The following MARF1 variants were observed in gnomAD, a reference collection of about 807,000 sequenced individuals.
MARF1 encodes meiosis regulator and mRNA stability factor 1, also known as limkain-b1.
In MARF1, 24 loss-of-function variants were observed where a neutral mutation model predicts 168.2. The observed-to-expected ratio is 0.14, with a 90% confidence interval of 0.10 to 0.20. MARF1 has a LOEUF of 0.20. MARF1 is among the 10% of genes least tolerant of loss of function. The probability of loss-of-function intolerance (pLI) is 1.00; values close to 1 mark genes in which losing one functional copy is unlikely to be tolerated. For synonymous variants in MARF1, 868 were observed against 822.4 expected (o/e 1.06, Z -0.95); for missense variants, 1,744 against 2,143.6 (o/e 0.81, Z 3.68).
In MARF1 at chr16:15,608,493, A is replaced by T; in HGVS notation, c.3980T>A (p.Ile1327Asn). ...LQVLECGEEK[I>N]LTLTEVERFK... Reference sequence around the variant, plus strand: ...CCGCTCCACCTCTGTCAGAGTAAGGATCTTTTCTTCTCCACATTCCAATAC... The same window carrying T: ...CCGCTCCACCTCTGTCAGAGTAAGGTTCTTTTCTTCTCCACATTCCAATAC... The change falls in exon 21 of 27, where the codon ATC becomes AAC. Residue 1327 changes from isoleucine (I) to asparagine (N), a missense_variant. Around this residue, in one of 7 missense-constraint regions of MARF1, gnomAD observed 543 missense variants for 742.1 expected, o/e 0.73. Coordinates refer to ENST00000396368, the MANE Select transcript of MARF1 (RefSeq NM_014647.4). The T allele has an allele frequency of 6.2e-7, 1 of 1,614,074 alleles. No homozygotes were observed. Among genetic ancestry groups the T allele is most frequent in the African/African-American group, 1.3e-5 (1 of 75,054 alleles).
chr16:15,630,585 C>T, intron 6 of MARF1, 81 bp from the exon 7 acceptor site: 1 of 1,303,582 alleles, frequency 7.7e-7, no homozygotes, highest in African/African-American at 1.5e-5. Flanking sequence ...TTGACACCCA[C>T]TGAGAAGAAA....
chr16:15,629,129 G>A (rs1425935763), intron 7 of MARF1, among the ~76,000 whole-genome samples: 6 of 150,648 alleles, frequency 4.0e-5, no homozygotes, highest in Admixed American at 2.0e-4. Context: ...TCACCTCCCA[G>A]GAAAAAACAC....
intron 20 of MARF1, 108 bp from the exon 21 acceptor site, chr16:15,608,626 T>C: frequency 1.4e-6 from 1 of 725,986 alleles, no homozygotes; most frequent in East Asian, 2.7e-5. Context: ...TCAGCGTTAC[T>C]GAATGGGTAT....
rs1032930333 is a variant in MARF1 at position 15,621,778 on chromosome 16, A to G, written c.2594T>C (p.Val865Ala). 1.5e-5 allele frequency: 24 copies of G among 1,614,030 alleles called. No individual in the cohort carries two copies. Among genetic ancestry groups the G allele is most frequent in the Middle Eastern group, 1.6e-4 (1 of 6,084 alleles). ...GCTGGCAGCCCCGGTGGCAAGTGAG[A>G]CCAGGATCTTTTTGCTGCCAATTTT... is the stretch of plus-strand genomic sequence containing the variant. Reference protein sequence around the residue: ...RYKIGSKKILVSLATGAASKS... With the variant: ...RYKIGSKKILASLATGAASKS... Residue 865 changes from valine to alanine, a missense_variant, in exon 12 of 27, where the codon GTC becomes GCC. This residue lies in a region of MARF1 where 543 missense variants were observed against 742.1 expected (regional missense o/e 0.73). Transcript: ENST00000396368.
chr16:15,599,152 A>AG, intron 25 of MARF1, 128 bp from the exon 26 acceptor site: 1 of 503,882 alleles, frequency 2.0e-6, no homozygotes, highest in South Asian at 2.3e-5. Flanking sequence ...TATTTAAGGT[A>AG]TTAAAAAAAA....
In MARF1 at chr16:15,602,060, G is replaced by C. The variant is rs774888412; in HGVS notation, c.4557C>G (p.Val1519=). ...AGGTCTTGGGCTGCAGAGTTTCTCC[G>C]ACATACTTGGTATAGGCCATGGAAA... ...HEFSMAYTKY[V]GETLQPKTYG... Residue 1519 remains valine (V), a synonymous_variant, in exon 23 of 27, where the codon GTC becomes GTG. Transcript: ENST00000396368. 3 of 1,614,170 alleles carry C rather than the reference G, an allele frequency of 1.9e-6. No individual in the cohort carries two copies. In the Admixed American group the frequency reaches 5.0e-5, roughly 27 times the overall value.
At chr16:15,622,486 T>C (rs998640244) in intron 11 of MARF1, among the ~76,000 whole-genome samples, 4 of 151,924 alleles carry the variant, frequency 2.6e-5, no homozygotes, top group Admixed American at 1.3e-4. Flanking sequence ...CTGCCTCCCG[T>C]GTTTAAGCAA....
Position 15,636,137 on chromosome 16 carries a change from C to A in MARF1, c.350G>T (p.Gly117Val). 1 of 1,614,234 alleles carries A rather than the reference C, an allele frequency of 6.2e-7. No homozygotes were observed. Among genetic ancestry groups the A allele is most frequent in the South Asian group, 1.1e-5 (1 of 91,088 alleles). ...ACCTCCGCTACCGCCACCACCACCA[C>A]CAAAACGCATTGGCGAAGTGGAGGG... is the stretch of plus-strand genomic sequence containing the variant. ...NEPSTSPMRF[G>V]GGGGGSGGTS... is the part of the protein sequence containing the mutation. Residue 117 changes from glycine to valine, a missense_variant, in exon 3 of 27, where the codon GGT becomes GTT. Transcript: ENST00000396368.
At position 15,614,330 on chromosome 16, in the gene MARF1, A is replaced by G. The variant is rs1596465020; in HGVS notation, c.3253+1500T>C. Among the ~76,000 whole-genome samples, 4 of 150,286 alleles carry G rather than the reference A, an allele frequency of 2.7e-5. No homozygotes were observed. In the South Asian group the frequency reaches 8.4e-4, roughly 32 times the overall value. On this transcript the variant is annotated intron_variant, in intron 16 of 26. Coordinates refer to ENST00000396368, the MANE Select transcript of MARF1 (RefSeq NM_014647.4). The stretch of plus-strand genomic sequence containing the variant: ...ACCCTGTCTCTACTAAAAATACAAA[A>G]AAAATAGCCGGGCGTGGTGGCAGGC...
intron 15 of MARF1, 51 bp from the exon 16 acceptor site, chr16:15,616,056 GA>G: frequency 7.2e-7 from 1 of 1,380,040 alleles, no homozygotes; most frequent in Non-Finnish European, 9.6e-7. Flanking sequence ...CAAAATAACA[GA>G]AAAGGAGGCG....
At chr16:15,597,286 G>A (rs879454548) in intron 26 of MARF1, among the ~76,000 whole-genome samples, 17 of 152,210 alleles carry the variant, frequency 1.1e-4, no homozygotes, top group Non-Finnish European at 1.8e-4. Context: ...AGCTATCCAC[G>A]ACTTAGAGAC....
chr16:15,595,004 T>C lies in MARF1; in HGVS notation c.*1689A>G, dbSNP rs1218507654. ...GTCCAAGCGTGCAAACTCAGCCTTATGAAATCTTAGAATAAGGCAACTGAT... is the reference window on the plus strand; with the variant it reads ...GTCCAAGCGTGCAAACTCAGCCTTACGAAATCTTAGAATAAGGCAACTGAT... On this transcript the variant is annotated 3_prime_UTR_variant, in exon 27 of 27. Coordinates refer to ENST00000396368, the MANE Select transcript of MARF1 (RefSeq NM_014647.4). The C allele has an allele frequency of 2.6e-5, 4 of 152,644 alleles. No individual in the cohort carries two copies. The East Asian group carries it at 5.8e-4, about 22-fold the overall frequency. 9.5% of individuals were successfully genotyped at this position (152,644 alleles called of 1,614,324 possible).
At chr16:15,626,424 G>A (rs976064920) in intron 7 of MARF1, among the ~76,000 whole-genome samples, 1 of 152,146 alleles carries the variant, frequency 6.6e-6, no homozygotes, top group African/African-American at 2.4e-5. Flanking sequence ...TATTCTGCAG[G>A]TCTGCTGAAT....
intron 12 of MARF1, among the ~76,000 whole-genome samples, chr16:15,621,150 A>G (rs1410187773): frequency 6.6e-6 from 1 of 152,176 alleles, no homozygotes; most frequent in African/African-American, 2.4e-5. Context: ...AGTGAAGTAC[A>G]AGTTAGAAAA....
chr16:15,626,704 C>A (rs6498565), intron 7 of MARF1, among the ~76,000 whole-genome samples: 110,162 of 152,000 alleles, frequency 0.72, 40,761 homozygotes, highest in African/African-American at 0.9. Context: ...TCACGCCTGT[C>A]ATCGCAACAC....
chr16:15,633,195 A>G (rs900180613), intron 5 of MARF1, among the ~76,000 whole-genome samples: 1 of 150,916 alleles, frequency 6.6e-6, no homozygotes, highest in African/African-American at 2.4e-5. Context: ...ACACACACAC[A>G]CACACACACA....
intron 21 of MARF1, among the ~76,000 whole-genome samples, chr16:15,605,528 A>C (rs2032934927): frequency 6.6e-6 from 1 of 151,862 alleles, no homozygotes; most frequent in Non-Finnish European, 1.5e-5. Flanking sequence ...AGTCCAGGGG[A>C]TCCCAGTCAT....
chr16:15,639,319 T>C (rs1343066687), intron 1 of MARF1, 28 bp from the exon 2 acceptor site: 13 of 1,457,514 alleles, frequency 8.9e-6, no homozygotes, highest in Non-Finnish European at 1.1e-5. Context: ...GATTTCAGTG[T>C]TATTTCCTTG....
In MARF1 at chr16:15,636,123, C is replaced by T. The variant is rs773273347; in HGVS notation, c.364G>A (p.Gly122Ser). 17 of 1,614,086 alleles carry T rather than the reference C, an allele frequency of 1.1e-5. No individual in the cohort carries two copies. The highest frequency in any genetic ancestry group is 5.3e-5 in the African/African-American group (4 of 74,938). ...SPMRFGGGGG[G>S]SGGTSSLIHP... ...ATCAAGCTACTGGTACCTCCGCTAC[C>T]GCCACCACCACCACCAAAACGCATT... Residue 122 changes from glycine to serine, a missense_variant, in exon 3 of 27, where the codon GGT becomes AGT. By Grantham distance (56) the Gly-to-Ser change is moderately conservative (BLOSUM62 0). This residue lies in a region of MARF1 where 318 missense variants were observed against 336.6 expected (regional missense o/e 0.94). Transcript: ENST00000396368.
Sources: gnomAD v4.1 joint callset for allele counts (sites outside exome capture counted in the v4.1 genomes callset) on GRCh38, gnomAD v4.1.1 for gene constraint, gnomAD v4.1.1 regional missense constraint, MANE v1.5 for transcripts, NCBI Gene and HGNC (gene_info 2026-07-23, HGNC 2026-07-21) for gene names.